The following XRCC4 variants were observed in gnomAD, a reference collection of about 807,000 sequenced individuals.
XRCC4 encodes the protein X-ray repair cross complementing 4, also known as DNA repair protein XRCC4.
XRCC4 carries 28 observed loss-of-function variants against 39.1 expected under a neutral mutation model. The ratio of observed to expected loss-of-function variants is 0.72; its 90% CI spans 0.53 to 0.98. The LOEUF is 0.98. Among genes scored for constraint, XRCC4 ranks in the 50% least tolerant of loss-of-function variants. XRCC4 has a pLI of 0.00. For synonymous variants in XRCC4, 123 were observed against 126.4 expected, an observed-to-expected ratio of 0.97 and a Z score of 0.18; for missense variants, 350 against 376.4, an observed-to-expected ratio of 0.93 and a Z score of 0.58.
At chr5:83,279,279 A>T (rs1395546652) in intron 7 of XRCC4, among the ~76,000 whole-genome samples, 1 of 151,780 alleles carries the variant, frequency 6.6e-6, no homozygotes. Flanking sequence ...GCCAGAATAC[A>T]TAGGAGAAAG....
rs539435668 is a variant in XRCC4 at position 83,195,756 on chromosome 5, T to G, written c.316-14T>G. On this transcript the variant is annotated splice_polypyrimidine_tract_variant and intron_variant, in intron 3 of 7. Coordinates refer to ENST00000396027, the MANE Select transcript of XRCC4 (RefSeq NM_003401.5). ...TATTTTCCCCAAATTAACCATGTTT[T>G]TCTTTCATTTTAGTTCAGACTTGGT... 7.8e-6 allele frequency: 12 copies of G among 1,538,228 alleles called. No homozygotes were observed. Among genetic ancestry groups the G allele is most frequent in the Non-Finnish European group, 9.6e-6 (11 of 1,141,722 alleles).
At chr5:83,172,230 C>T (rs532466563) in intron 3 of XRCC4, among the ~76,000 whole-genome samples, 2 of 152,250 alleles carry the variant, frequency 1.3e-5, no homozygotes, top group East Asian at 3.9e-4. Flanking sequence ...GAAAATAGGG[C>T]TTCCAGTTGG....
intron 6 of XRCC4, among the ~76,000 whole-genome samples, chr5:83,224,560 G>C (rs1266257822): frequency 2.6e-5 from 4 of 152,142 alleles, no homozygotes; most frequent in Middle Eastern, 3.2e-3. Flanking sequence ...CGGCACTATA[G>C]CATTAGAGTG....
chr5:83,130,867 T>G (rs994616649), intron 3 of XRCC4, among the ~76,000 whole-genome samples: 1 of 152,160 alleles, frequency 6.6e-6, no homozygotes, highest in Non-Finnish European at 1.5e-5. Context: ...TCTTTTCTTC[T>G]TTATTAGTCT....
At chr5:83,191,277 A>C (rs1193455310) in intron 3 of XRCC4, among the ~76,000 whole-genome samples, 1 of 152,218 alleles carries the variant, frequency 6.6e-6, no homozygotes, top group Non-Finnish European at 1.5e-5. Context: ...TCCATATCTC[A>C]TCTTGAATGG....
chr5:83,197,639 T>C (rs951782910), intron 4 of XRCC4, among the ~76,000 whole-genome samples: 1 of 152,172 alleles, frequency 6.6e-6, no homozygotes, highest in Non-Finnish European at 1.5e-5. Context: ...CACAGATGCT[T>C]GATTTGCTAT....
intron 3 of XRCC4, among the ~76,000 whole-genome samples, chr5:83,170,990 G>T (rs1749696012): frequency 6.6e-6 from 1 of 152,006 alleles, no homozygotes; most frequent in South Asian, 2.1e-4. Flanking sequence ...TCTAGTTTCA[G>T]AAAAGGAAAA....
At chr5:83,148,995 C>T (rs561286904) in intron 3 of XRCC4, among the ~76,000 whole-genome samples, 4 of 152,198 alleles carry the variant, frequency 2.6e-5, no homozygotes, top group Admixed American at 1.3e-4. Flanking sequence ...ATTATTTTTG[C>T]AACATTGTAC....
chr5:83,345,680 C>T (rs142746072), intron 7 of XRCC4, among the ~76,000 whole-genome samples: 6 of 152,182 alleles, frequency 3.9e-5, no homozygotes, highest in East Asian at 1.9e-4. Context: ...TAATGCTTCT[C>T]GTTTGAATAG....
chr5:83,102,061 A>G (rs1375093246), intron 1 of XRCC4, among the ~76,000 whole-genome samples: 1 of 151,298 alleles, frequency 6.6e-6, no homozygotes, highest in Non-Finnish European at 1.5e-5. Flanking sequence ...TATCACTCTC[A>G]CTATCACTAA....
chr5:83,165,972 A>C (rs1749452493), intron 3 of XRCC4, among the ~76,000 whole-genome samples: 1 of 140,588 alleles, frequency 7.1e-6, no homozygotes, highest in African/African-American at 2.7e-5. Flanking sequence ...TGCAACCTCC[A>C]CCCCCTGGGT....
chr5:83,369,287 A>G, the XRCC4 span, among the ~76,000 whole-genome samples: 1 of 152,162 alleles, frequency 6.6e-6, no homozygotes, highest in Admixed American at 6.6e-5. Context: ...GCGCATGGGC[A>G]GGATTGTTAC....
intron 3 of XRCC4, among the ~76,000 whole-genome samples, chr5:83,189,314 AT>A (rs991168880): frequency 6.6e-5 from 10 of 152,056 alleles, no homozygotes; most frequent in African/African-American, 2.2e-4. Flanking sequence ...GAACTCTCTG[AT>A]TCCCACTATG....
chr5:83,128,083 C>T (rs986255821), intron 3 of XRCC4, among the ~76,000 whole-genome samples: 5 of 152,012 alleles, frequency 3.3e-5, no homozygotes, highest in Admixed American at 6.6e-5. Context: ...ATTAACTCCT[C>T]ATTTACATTA....
intron 7 of XRCC4, among the ~76,000 whole-genome samples, chr5:83,325,328 G>A (rs1756215822): frequency 6.6e-6 from 1 of 151,768 alleles, no homozygotes; most frequent in Non-Finnish European, 1.5e-5. Context: ...TTAAGTTCAG[G>A]GGTACATGTG....
At chr5:83,139,213 A>G (rs1413670772) in intron 3 of XRCC4, among the ~76,000 whole-genome samples, 1 of 152,110 alleles carries the variant, frequency 6.6e-6, no homozygotes, top group East Asian at 1.9e-4. Context: ...GACATTGACT[A>G]TTTTGAAGAC....
At chr5:83,346,866 A>G (rs888760177) in intron 7 of XRCC4, among the ~76,000 whole-genome samples, 3 of 152,224 alleles carry the variant, frequency 2.0e-5, no homozygotes, top group Admixed American at 1.3e-4. Flanking sequence ...CTATAATTTC[A>G]TTAAGAACAC....
At chr5:83,334,684 T>TAC (rs1400314395) in intron 7 of XRCC4, among the ~76,000 whole-genome samples, 3 of 151,782 alleles carry the variant, frequency 2.0e-5, no homozygotes, top group Non-Finnish European at 4.4e-5. Flanking sequence ...CATATATATA[T>TAC]ATATATAAGA....
In XRCC4 at chr5:83,313,526, A is replaced by G. The variant is rs533580843; in HGVS notation, c.894-39605A>G. 5.9e-5 allele frequency among the ~76,000 whole-genome samples: 9 copies of G among 152,180 alleles called. No homozygotes were observed. In the South Asian group the frequency reaches 1.9e-3, roughly 32 times the overall value. On this transcript the variant is annotated intron_variant, in intron 7 of 7. Transcript: ENST00000396027. ...CTCCTGGCTCACATCTGATTACAGC[A>G]TGATTTACTCAATATATTAGGCCTA... is the stretch of plus-strand genomic sequence containing the variant.
Sources: allele counts gnomAD v4.1 joint callset (sites outside exome capture counted in the v4.1 genomes callset), GRCh38; gene constraint gnomAD v4.1.1; transcripts MANE v1.5; gene names NCBI Gene and HGNC (gene_info 2026-07-23, HGNC 2026-07-21).